Variants in SLC7A14 observed in about 807,000 individuals in gnomAD.
SLC7A14 encodes the protein solute carrier family 7 member 14.
A neutral mutation model predicts 60.2 loss-of-function variants in SLC7A14; 37 were observed. That is an observed-to-expected ratio of 0.61 (90% CI 0.47 to 0.81). SLC7A14 has a LOEUF of 0.81. Ranked by LOEUF, SLC7A14 falls within the 30% of genes least tolerant of loss-of-function variation. The pLI, the probability that SLC7A14 is intolerant of heterozygous loss-of-function variation, is 0.00. For synonymous variants in SLC7A14, 399 were observed against 395.8 expected (o/e 1.01, Z -0.10); for missense variants, 886 against 982.7 (o/e 0.90, Z 1.32).
intron 7 of SLC7A14, 107 bp from the exon 8 acceptor site, chr3:170,467,484 GGCGGT>G: frequency 6.1e-6 from 4 of 656,474 alleles, no homozygotes; most frequent in Non-Finnish European, 9.1e-6. Flanking sequence ...CGGGGTGGGG[GGCGGT>G]GGGGGCGGGG....
chr3:170,551,714 T>A (rs1714357180), intron 1 of SLC7A14, among the ~76,000 whole-genome samples: 1 of 152,206 alleles, frequency 6.6e-6, no homozygotes, highest in East Asian at 1.9e-4. Flanking sequence ...ATTCAAATCA[T>A]TTGCCCATTA....
At chr3:170,493,164 G>C (rs1712273300) in intron 4 of SLC7A14, among the ~76,000 whole-genome samples, 1 of 152,230 alleles carries the variant, frequency 6.6e-6, no homozygotes, top group African/African-American at 2.4e-5. Context: ...ATGTTCAAGG[G>C]CTGAGGAATT....
chr3:170,583,943 T>A (rs1330467877), intron 1 of SLC7A14, among the ~76,000 whole-genome samples: 1 of 152,158 alleles, frequency 6.6e-6, no homozygotes, highest in Non-Finnish European at 1.5e-5. Context: ...GTCATTCTCC[T>A]GCTATAATCT....
intron 1 of SLC7A14, among the ~76,000 whole-genome samples, chr3:170,563,417 GTTTTTT>G (rs67991294): frequency 8.9e-6 from 1 of 111,908 alleles, no homozygotes; most frequent in African/African-American, 3.1e-5. Flanking sequence ...TTGTTTGTTT[GTTTTTT>G]TTTTTTTTTT....
intron 7 of SLC7A14, among the ~76,000 whole-genome samples, chr3:170,470,328 G>GTGTGTGTGTGTGTGTA (rs1421910055): frequency 2.6e-5 from 4 of 151,614 alleles, no homozygotes; most frequent in Non-Finnish European, 2.9e-5. Context: ...GTGTGTGTGT[G>GTGTGTGTGTGTGTGTA]TGTGTGTGTG....
chr3:170,505,008 T>G (rs1427743427), intron 2 of SLC7A14, among the ~76,000 whole-genome samples: 1 of 152,246 alleles, frequency 6.6e-6, no homozygotes, highest in African/African-American at 2.4e-5. Context: ...CATATATGAC[T>G]GCTGATGGCC....
chr3:170,467,925 A>C (rs1444054878), intron 7 of SLC7A14, among the ~76,000 whole-genome samples: 1 of 152,168 alleles, frequency 6.6e-6, no homozygotes, highest in Non-Finnish European at 1.5e-5. Context: ...TTATCCTGTG[A>C]TTTACCTTGA....
At chr3:170,508,180 C>T (rs908451953) in intron 2 of SLC7A14, among the ~76,000 whole-genome samples, 5 of 152,176 alleles carry the variant, frequency 3.3e-5, no homozygotes, top group Non-Finnish European at 4.4e-5. Context: ...AATACAGTCT[C>T]TTTTTTGTGG....
intron 1 of SLC7A14, among the ~76,000 whole-genome samples, chr3:170,529,011 G>A (rs1713594518): frequency 6.6e-6 from 1 of 152,188 alleles, no homozygotes; most frequent in Non-Finnish European, 1.5e-5. Context: ...TTGCAGCCTG[G>A]GATGAGAGAT....
At chr3:170,489,701 A>G (rs963069672) in intron 4 of SLC7A14, among the ~76,000 whole-genome samples, 3 of 152,260 alleles carry the variant, frequency 2.0e-5, no homozygotes, top group Non-Finnish European at 4.4e-5. Flanking sequence ...GTGTCCATCA[A>G]CAGATGAATG....
intron 4 of SLC7A14, chr3:170,496,510 T>G: frequency 6.6e-7 from 1 of 1,517,710 alleles, no homozygotes; most frequent in Non-Finnish European, 9.1e-7. Flanking sequence ...GAGGCCGCCC[T>G]GCAGCGGGCC....
At chr3:170,468,215 G>A (rs894307341) in intron 7 of SLC7A14, among the ~76,000 whole-genome samples, 5 of 152,116 alleles carry the variant, frequency 3.3e-5, no homozygotes, top group African/African-American at 1.2e-4. Context: ...TCGTTAATAT[G>A]TAGCATTCAT....
intron 5 of SLC7A14, among the ~76,000 whole-genome samples, chr3:170,485,388 A>AC (rs1711992538): frequency 6.6e-6 from 1 of 152,152 alleles, no homozygotes; most frequent in East Asian, 1.9e-4. Context: ...CAGCAGCAGC[A>AC]CCCCCCACTG....
chr3:170,572,215 A>T (rs1714978183), intron 1 of SLC7A14, among the ~76,000 whole-genome samples: 1 of 152,238 alleles, frequency 6.6e-6, no homozygotes. Context: ...CTTGTATAAG[A>T]TCCATTAGGA....
At chr3:170,475,256 C>T (rs1010724732) in intron 7 of SLC7A14, among the ~76,000 whole-genome samples, 2 of 152,086 alleles carry the variant, frequency 1.3e-5, no homozygotes, top group Admixed American at 6.6e-5. Flanking sequence ...ACAAAAATGC[C>T]GCAATTAAGA....
intron 4 of SLC7A14, chr3:170,496,729 C>A: frequency 1.3e-6 from 1 of 790,740 alleles, no homozygotes. Flanking sequence ...CCTCACAAGC[C>A]CTGGCCTCAG....
rs1321997538 is a variant in SLC7A14 at position 170,585,202 on chromosome 3, G to A, written c.-153+709C>T. On this transcript the variant is annotated intron_variant, in intron 1 of 7. Transcript: ENST00000231706. This position sits in a 1 kb window ranked among gnomAD's most constrained non-coding sequence, Gnocchi z 5.1. ...GAGACTGAGGGTTGAAGCAGTGCAG[G>A]AGAGCTCCCCTTGCTGGGGCTGCCG... 6.6e-6 allele frequency among the ~76,000 whole-genome samples: 1 copy of A among 152,110 alleles called. No individual in the cohort carries two copies. The highest frequency in any genetic ancestry group is 1.5e-5 in the Non-Finnish European group (1 of 68,000).
chr3:170,541,816 C>T (rs1172149576), intron 1 of SLC7A14, among the ~76,000 whole-genome samples: 2 of 152,144 alleles, frequency 1.3e-5, no homozygotes, highest in Admixed American at 1.3e-4. Context: ...TACTCTTGCA[C>T]CAACCTAATA....
chr3:170,475,164 G>A (rs1052807917), intron 7 of SLC7A14, among the ~76,000 whole-genome samples: 2 of 152,218 alleles, frequency 1.3e-5, no homozygotes, highest in African/African-American at 4.8e-5. Context: ...ACATGTGCTG[G>A]ATAATCTTGT....
Sources: gnomAD v4.1 joint callset for allele counts (sites outside exome capture counted in the v4.1 genomes callset) on GRCh38, gnomAD v4.1.1 for gene constraint, Gnocchi (gnomAD v3.1) non-coding constraint, MANE v1.5 for transcripts, NCBI Gene and HGNC (gene_info 2026-07-23, HGNC 2026-07-21) for gene names.